GPC6: variants seen among roughly 807,000 people sequenced by gnomAD.
GPC6 encodes glypican-6.
GPC6 carries 14 observed loss-of-function variants against 55.2 expected under a neutral mutation model. The observed-to-expected ratio is 0.25, with a 90% CI of 0.17 to 0.40. The LOEUF is 0.40. GPC6 is among the 10% of genes least tolerant of loss of function. The pLI is 1.00. For synonymous variants in GPC6, 278 were observed against 259.6 expected (o/e 1.07, Z -0.68); for missense variants, 641 against 708.5 (o/e 0.90, Z 1.08).
At chr13:93,454,850 A>C (rs1316304112) in intron 1 of GPC6, among the ~76,000 whole-genome samples, 3 of 152,286 alleles carry the variant, frequency 2.0e-5, no homozygotes, top group Non-Finnish European at 2.9e-5. Context: ...GGAGCTGTCG[A>C]GGAGGCTTGG....
At chr13:93,251,090 G>C (rs966863625) in intron 1 of GPC6, among the ~76,000 whole-genome samples, 3 of 152,136 alleles carry the variant, frequency 2.0e-5, no homozygotes, top group Non-Finnish European at 2.9e-5. Flanking sequence ...CCATGATTCA[G>C]TTATCTCCCA....
chr13:94,181,378 G>A (rs1888988054), intron 4 of GPC6, among the ~76,000 whole-genome samples: 1 of 152,144 alleles, frequency 6.6e-6, no homozygotes, highest in South Asian at 2.1e-4. Flanking sequence ...CTGACACTTA[G>A]GGGAAATAGA....
chr13:94,003,416 A>T (rs1341416503), intron 3 of GPC6, among the ~76,000 whole-genome samples: 1 of 152,224 alleles, frequency 6.6e-6, no homozygotes, highest in East Asian at 1.9e-4. Context: ...AAGAAGTGTC[A>T]AAATTACAAG....
intron 6 of GPC6, among the ~76,000 whole-genome samples, chr13:94,323,321 C>T (rs191581013): frequency 3.9e-5 from 6 of 152,250 alleles, no homozygotes; most frequent in South Asian, 2.1e-4. Flanking sequence ...ATCTCATTTT[C>T]GGATCTGTAA....
chr13:93,604,606 T>C (rs1181592348), intron 2 of GPC6, among the ~76,000 whole-genome samples: 1 of 152,072 alleles, frequency 6.6e-6, no homozygotes, highest in Non-Finnish European at 1.5e-5. Flanking sequence ...GCTGCTATCG[T>C]CACTAATATC....
chr13:93,894,533 T>C (rs889351878), intron 3 of GPC6, among the ~76,000 whole-genome samples: 3 of 152,180 alleles, frequency 2.0e-5, no homozygotes, highest in African/African-American at 7.2e-5. Flanking sequence ...ATGTATGCTA[T>C]GTATTTATGG....
Position 93,665,748 on chromosome 13 carries a change from C to T in GPC6, c.319+120327C>T, listed in dbSNP as rs1311922134. Among the ~76,000 whole-genome samples, 10 of 152,070 alleles carry T rather than the reference C, an allele frequency of 6.6e-5. No homozygotes were observed. The South Asian group carries it at 1.0e-3, about 16-fold the overall frequency. ...CTGTCGTTTTTGAGTACTGAAGAAACGATACTATGCTTGTGTGGATGCAGT... is the reference window on the plus strand; with the variant it reads ...CTGTCGTTTTTGAGTACTGAAGAAATGATACTATGCTTGTGTGGATGCAGT... On this transcript the variant is annotated intron_variant, in intron 2 of 8. Transcript: ENST00000377047.
chr13:93,484,627 A>T (rs566896212), intron 1 of GPC6, among the ~76,000 whole-genome samples: 1 of 152,224 alleles, frequency 6.6e-6, no homozygotes, highest in Non-Finnish European at 1.5e-5. Flanking sequence ...CATTTTATTT[A>T]AAATACATTT....
intron 4 of GPC6, among the ~76,000 whole-genome samples, chr13:94,041,006 G>A (rs1368158506): frequency 6.6e-6 from 1 of 151,750 alleles, no homozygotes; most frequent in Non-Finnish European, 1.5e-5. Context: ...TAATTCTGTT[G>A]TGCCATGCAT....
chr13:94,264,501 T>C (rs1891737932), intron 4 of GPC6, among the ~76,000 whole-genome samples: 1 of 152,194 alleles, frequency 6.6e-6, no homozygotes, highest in South Asian at 2.1e-4. Flanking sequence ...ATATTTGTTG[T>C]TGAAAATATG....
intron 2 of GPC6, among the ~76,000 whole-genome samples, chr13:93,627,308 C>A (rs1176399789): frequency 6.6e-6 from 1 of 152,238 alleles, no homozygotes; most frequent in South Asian, 2.1e-4. Context: ...CCAGCTTCAT[C>A]CATGTCCCTG....
In GPC6 at chr13:93,227,116, A is replaced by G. The variant is rs562257339; in HGVS notation, c.-341A>G. The stretch of plus-strand genomic sequence containing the variant: ...AGCGCTCCAGGATTCTGCGGCTCGG[A>G]ACTCGGATTGCAGCTCTGAACCCCC... On this transcript the variant is annotated 5_prime_UTR_variant, in exon 1 of 9. Transcript: ENST00000377047. This position sits in a 1 kb window ranked among gnomAD's most constrained non-coding sequence, Gnocchi z 4.3. 90 of 184,056 alleles carry G rather than the reference A, an allele frequency of 4.9e-4. No homozygotes were observed. In the Admixed American group the frequency reaches 4.9e-3, roughly 10 times the overall value. 11.4% of individuals were successfully genotyped at this position (184,056 alleles called of 1,614,324 possible).
At chr13:93,881,722 T>C (rs1594552552) in intron 3 of GPC6, among the ~76,000 whole-genome samples, 1 of 152,120 alleles carries the variant, frequency 6.6e-6, no homozygotes, top group East Asian at 1.9e-4. Context: ...TGGTTCAATA[T>C]ATATATATTA....
chr13:93,669,752 G>T (rs185175251), intron 2 of GPC6, among the ~76,000 whole-genome samples: 1 of 152,226 alleles, frequency 6.6e-6, no homozygotes, highest in African/African-American at 2.4e-5. Flanking sequence ...TGAAACTTCA[G>T]GCTAACATTT....
intron 4 of GPC6, among the ~76,000 whole-genome samples, chr13:94,118,918 A>G (rs1886527509): frequency 6.6e-6 from 1 of 152,088 alleles, no homozygotes; most frequent in Non-Finnish European, 1.5e-5. Flanking sequence ...CTAAACCTCC[A>G]GTAAGAAGTG....
chr13:94,038,654 G>A (rs564147479), intron 4 of GPC6, among the ~76,000 whole-genome samples: 21 of 151,978 alleles, frequency 1.4e-4, no homozygotes, highest in Non-Finnish European at 5.9e-5. Context: ...TTAGCATTGT[G>A]AGGATTAAAC....
intron 1 of GPC6, among the ~76,000 whole-genome samples, chr13:93,486,313 T>A (rs938489562): frequency 1.3e-5 from 2 of 152,144 alleles, no homozygotes; most frequent in Non-Finnish European, 2.9e-5. Flanking sequence ...GGAAGAGACA[T>A]ATGTAGCTCC....
At chr13:93,447,372 T>A (rs1878046877) in intron 1 of GPC6, among the ~76,000 whole-genome samples, 1 of 152,186 alleles carries the variant, frequency 6.6e-6, no homozygotes, top group Non-Finnish European at 1.5e-5. Context: ...TTTTTTCTGA[T>A]TTTGCCCATC....
intron 1 of GPC6, among the ~76,000 whole-genome samples, chr13:93,485,714 G>A (rs949907561): frequency 2.0e-5 from 3 of 152,268 alleles, no homozygotes; most frequent in East Asian, 1.9e-4. Context: ...GTGAAAACAG[G>A]TGAGGCGGTT....
Sources: allele counts gnomAD v4.1 joint callset (sites outside exome capture counted in the v4.1 genomes callset), GRCh38; gene constraint gnomAD v4.1.1; non-coding constraint Gnocchi (gnomAD v3.1); transcripts MANE v1.5; gene names NCBI Gene and HGNC (gene_info 2026-07-23, HGNC 2026-07-21).